The following YIPF4 variants were observed in gnomAD, a reference collection of about 807,000 sequenced individuals.
YIPF4 encodes protein YIPF4.
Under a neutral mutation model 29.4 loss-of-function variants are expected in YIPF4, and 18 were observed. The observed-to-expected ratio is 0.61, with a 90% CI of 0.42 to 0.91. YIPF4 has a LOEUF of 0.91. YIPF4 is among the 40% of genes least tolerant of loss of function. The pLI, the probability that YIPF4 is intolerant of heterozygous loss-of-function variation, is 0.00. For synonymous variants in YIPF4, 115 were observed against 104.7 expected, an observed-to-expected ratio of 1.10 and a Z score of -0.60; for missense variants, 279 against 282.7, an observed-to-expected ratio of 0.99 and a Z score of 0.09.
chr2:32,298,113 A>ATC lies in YIPF4; in HGVS notation c.406-115_406-114dup, dbSNP rs1270508551. The ATC allele has an allele frequency of 7.4e-6, 5 of 679,670 alleles. 1 individual carries two copies. The Admixed American group carries it at 8.7e-5, about 12-fold the overall frequency. 42.1% of individuals were successfully genotyped at this position (679,670 alleles called of 1,614,324 possible). A position where few individuals can be genotyped will look rare whatever the true frequency, so the allele number is the denominator to read the frequency against. Reference sequence around the variant, plus strand: ...GGAGTAATACCTGAGAGCCCACATAATCTCTCTATGACCTGAAATTGGGCA... The same window carrying ATC: ...GGAGTAATACCTGAGAGCCCACATAATCTCTCTCTATGACCTGAAATTGGGCA... On this transcript the variant is annotated intron_variant, in intron 3 of 5. Coordinates refer to ENST00000238831, the MANE Select transcript of YIPF4 (RefSeq NM_032312.4).
chr2:32,286,310 AC>A (rs2030667751), intron 1 of YIPF4, among the ~76,000 whole-genome samples: 1 of 152,036 alleles, frequency 6.6e-6, no homozygotes, highest in Admixed American at 6.6e-5. Flanking sequence ...GGTACATAAG[AC>A]CTCTCTTTTC....
chr2:32,303,018 G>C (rs1216987632), intron 5 of YIPF4, among the ~76,000 whole-genome samples: 2 of 152,072 alleles, frequency 1.3e-5, no homozygotes, highest in Non-Finnish European at 2.9e-5. Context: ...CCCTCAATTT[G>C]TTCTTAACAA....
rs1174285181 is a variant in YIPF4 at position 32,301,406 on chromosome 2, G to A, written c.508G>A (p.Val170Ile). Residue 170 changes from valine to isoleucine, a missense_variant, in exon 5 of 6, where the codon GTT (valine) becomes ATT (isoleucine). Physicochemically the swap from Val to Ile is conservative, Grantham distance 29. Transcript: ENST00000238831. Reference protein sequence around the residue: ...GEVAYGQVLGVIGYSLLPLIV... With the variant: ...GEVAYGQVLGIIGYSLLPLIV... ...GGTTGCATATGGCCAAGTCCTTGGA[G>A]TTATAGGATATTCATTACTTCCTCT... 5.0e-6 allele frequency: 8 copies of A among 1,612,734 alleles called. No individual in the cohort carries two copies. The highest frequency in any genetic ancestry group is 2.7e-5 in the African/African-American group (2 of 74,898).
rs756205571 is a variant in YIPF4 at position 32,301,438 on chromosome 2, A to G, written c.540A>G (p.Val180=). Residue 180 remains valine, a synonymous_variant, in exon 5 of 6, where the codon GTA becomes GTG. Transcript: ENST00000238831. ...VIGYSLLPLI[V]IAPVLLVVGS... ...GATATTCATTACTTCCTCTCATTGT[A>G]ATAGCCCCTGTACTTTTGGTGGTTG... The G allele has an allele frequency of 4.3e-6, 7 of 1,613,750 alleles. No homozygotes were observed. In the East Asian group the frequency reaches 1.6e-4, roughly 36 times the overall value.
Position 32,289,965 on chromosome 2 carries a change from T to G in YIPF4, c.80-518T>G, listed in dbSNP as rs1293339377. On this transcript the variant is annotated intron_variant, in intron 1 of 5. Transcript: ENST00000238831. The stretch of plus-strand genomic sequence containing the variant: ...TGAAACACTTAGCATAGATATGTGA[T>G]GATTTAAATGAAAGAATATATGAAT... Among the ~76,000 whole-genome samples the G allele has an allele frequency of 2.0e-5, 3 of 152,184 alleles. No individual in the cohort carries two copies. The East Asian group carries it at 5.8e-4, about 29-fold the overall frequency.
Position 32,306,260 on chromosome 2 carries a change from C to T in YIPF4, c.*634C>T. ...CCTTGTTAAGAATTCTTAATAACTA[C>T]TAAAACTGATTTTTAATAGTTGCTG... is the stretch of plus-strand genomic sequence containing the variant. On this transcript the variant is annotated 3_prime_UTR_variant, in exon 6 of 6. Coordinates refer to ENST00000238831, the MANE Select transcript of YIPF4 (RefSeq NM_032312.4). The T allele has an allele frequency of 1.0e-6, 1 of 962,796 alleles. No individual in the cohort carries two copies. 59.6% of individuals were successfully genotyped at this position (962,796 alleles called of 1,614,324 possible). A position where few individuals can be genotyped will look rare whatever the true frequency, so the allele number is the denominator to read the frequency against.
chr2:32,305,346 C>T, intron 5 of YIPF4, 143 bp from the exon 6 acceptor site: 2 of 964,294 alleles, frequency 2.1e-6, no homozygotes, highest in Non-Finnish European at 2.8e-6. Context: ...AAGTTTTTAA[C>T]ATTTGTAACA....
chr2:32,281,672 A>C lies in YIPF4; in HGVS notation c.79+3438A>C, dbSNP rs145627522. Among the ~76,000 whole-genome samples, 195 of 152,154 alleles carry C rather than the reference A, an allele frequency of 1.3e-3. 1 individual carries two copies. Among genetic ancestry groups the C allele is most frequent in the Admixed American group, 4.3e-3 (65 of 15,278 alleles). On this transcript the variant is annotated intron_variant, in intron 1 of 5. Coordinates refer to ENST00000238831, the MANE Select transcript of YIPF4 (RefSeq NM_032312.4). ...TTAGGCTGAGGTGGGCAGTTGGCTTAAGCTCGAGAGTTTGATACCAGCCTG... is the reference window on the plus strand; with the variant it reads ...TTAGGCTGAGGTGGGCAGTTGGCTTCAGCTCGAGAGTTTGATACCAGCCTG...
intron 1 of YIPF4, among the ~76,000 whole-genome samples, chr2:32,284,690 C>T (rs2030579777): frequency 6.6e-6 from 1 of 152,112 alleles, no homozygotes; most frequent in Non-Finnish European, 1.5e-5. Context: ...TTCTTTAGAG[C>T]AATGCAAGAA....
In YIPF4 at chr2:32,305,494, T is replaced by C. The variant is rs1204516854; in HGVS notation, c.603T>C (p.Phe201=). The change falls in exon 6 of 6, where the codon TTT becomes TTC. Residue 201 remains phenylalanine (F), a synonymous_variant. Coordinates refer to ENST00000238831, the MANE Select transcript of YIPF4 (RefSeq NM_032312.4). ...FEVVSTLIKL[F]GVFWAAYSAA... is the part of the protein sequence containing the mutation. ...CTTTTTTCCTTTTTTTAAAGCTGTTTGGTGTGTTTTGGGCTGCCTACAGTG... is the reference window on the plus strand; with the variant it reads ...CTTTTTTCCTTTTTTTAAAGCTGTTCGGTGTGTTTTGGGCTGCCTACAGTG... 1 of 1,563,756 alleles carries C rather than the reference T, an allele frequency of 6.4e-7. No individual in the cohort carries two copies. Among genetic ancestry groups the C allele is most frequent in the East Asian group, 2.3e-5 (1 of 43,618 alleles).
intron 5 of YIPF4, among the ~76,000 whole-genome samples, chr2:32,302,676 T>C (rs2031446106): frequency 6.6e-6 from 1 of 152,212 alleles, no homozygotes; most frequent in African/African-American, 2.4e-5. Flanking sequence ...AAATGACTGC[T>C]TTGACACATA....
Position 32,292,547 on chromosome 2 carries a change from C to T in YIPF4, c.405+199C>T, listed in dbSNP as rs530546396. Among the ~76,000 whole-genome samples, 779 of 152,246 alleles carry T rather than the reference C, an allele frequency of 5.1e-3. 5 individuals carry two copies. Among genetic ancestry groups the T allele is most frequent in the Admixed American group, 9.2e-3 (140 of 15,286 alleles). On this transcript the variant is annotated intron_variant, in intron 3 of 5. Transcript: ENST00000238831. ...AGATTAATGCTTTCAAACTTTTCCA[C>T]ATCATGATTCACATAGAAAGTATTA...
intron 3 of YIPF4, among the ~76,000 whole-genome samples, chr2:32,296,482 A>G (rs1318662660): frequency 2.0e-5 from 3 of 152,134 alleles, no homozygotes; most frequent in East Asian, 1.9e-4. Flanking sequence ...AAAAAAAAAA[A>G]AAGGAAAAAA....
chr2:32,300,311 G>A (rs1353286110), intron 4 of YIPF4, among the ~76,000 whole-genome samples: 1 of 151,912 alleles, frequency 6.6e-6, no homozygotes, highest in Non-Finnish European at 1.5e-5. Flanking sequence ...GCACGCGCCT[G>A]TAGTCCCAGC....
chr2:32,291,145 C>A (rs1395903504), intron 2 of YIPF4, among the ~76,000 whole-genome samples: 3 of 152,138 alleles, frequency 2.0e-5, no homozygotes, highest in South Asian at 2.1e-4. Context: ...AAAGAAGAAC[C>A]TATAGCTTTG....
chr2:32,294,815 G>A (rs936676736), intron 3 of YIPF4, among the ~76,000 whole-genome samples: 1 of 152,236 alleles, frequency 6.6e-6, no homozygotes, highest in African/African-American at 2.4e-5. Context: ...CTGCAATCCC[G>A]GCACCTCCGG....
At chr2:32,284,298 C>G (rs1306339412) in intron 1 of YIPF4, among the ~76,000 whole-genome samples, 2 of 152,036 alleles carry the variant, frequency 1.3e-5, no homozygotes, top group Non-Finnish European at 2.9e-5. Context: ...AAGGAACTTA[C>G]ATAGTCTAGT....
rs1323919895 is a variant in YIPF4 at position 32,293,715 on chromosome 2, G to A, written c.405+1367G>A. On this transcript the variant is annotated intron_variant, in intron 3 of 5. Coordinates refer to ENST00000238831, the MANE Select transcript of YIPF4 (RefSeq NM_032312.4). ...CCCGGAAGGGGCGGCTGGCCGGGCG[G>A]GGGGCTGACCCCCCAACCTCCCGGA... Among the ~76,000 whole-genome samples the A allele has an allele frequency of 3.4e-4, 52 of 151,488 alleles. 1 individual carries two copies. The highest frequency in any genetic ancestry group is 1.2e-3 in the African/African-American group (50 of 41,040).
At chr2:32,286,977 G>T (rs1408722926) in intron 1 of YIPF4, among the ~76,000 whole-genome samples, 2 of 152,132 alleles carry the variant, frequency 1.3e-5, no homozygotes, top group Admixed American at 6.6e-5. Context: ...AGGCACAGTG[G>T]CTCGTGTCTT....
Sources: allele counts gnomAD v4.1 joint callset (sites outside exome capture counted in the v4.1 genomes callset), GRCh38; gene constraint gnomAD v4.1.1; transcripts MANE v1.5; gene names NCBI Gene and HGNC (gene_info 2026-07-23, HGNC 2026-07-21).